OR3A2: variants seen among roughly 807,000 people sequenced by gnomAD.
OR3A2 encodes the protein olfactory receptor 3A2.
For synonymous variants in OR3A2, 126 were observed against 159.3 expected (o/e 0.79, Z 1.57); for missense variants, 318 against 392.8 (o/e 0.81, Z 1.61).
At chr17:3,308,517 T>C (rs906533458) in intron 3 of OR3A2, among the ~76,000 whole-genome samples, 2 of 152,120 alleles carry the variant, frequency 1.3e-5, no homozygotes, top group African/African-American at 4.8e-5. Context: ...TTTGGGTGCT[T>C]CAATGTGCAG....
intron 3 of OR3A2, among the ~76,000 whole-genome samples, chr17:3,326,440 C>T (rs1465183723): frequency 5.3e-5 from 8 of 151,890 alleles, no homozygotes; most frequent in Non-Finnish European, 1.0e-4. Context: ...ATGGAGGGAC[C>T]GGCTGGAGCT....
chr17:3,369,049 G>A (rs534651136), intron 2 of OR3A2, among the ~76,000 whole-genome samples: 1 of 152,310 alleles, frequency 6.6e-6, no homozygotes, highest in Non-Finnish European at 1.5e-5. Context: ...GTTGCTGCTG[G>A]TGTATAGCAG....
At chr17:3,277,942 G>C in exon 2 of OR3A2, 3 of 1,556,102 alleles carry the variant, frequency 1.9e-6, no homozygotes, top group Non-Finnish European at 2.6e-6. Context: ...GTCCAGAAAA[G>C]GCAGGAAAGG....
At chr17:3,379,764 C>T (rs985309836) in intron 2 of OR3A2, among the ~76,000 whole-genome samples, 4 of 152,218 alleles carry the variant, frequency 2.6e-5, no homozygotes, top group African/African-American at 7.2e-5. Flanking sequence ...GTCACTAACA[C>T]ACCCCGTCCC....
chr17:3,377,405 T>C (rs748652622), intron 2 of OR3A2: 2 of 152,208 alleles, frequency 1.3e-5, no homozygotes, highest in Admixed American at 6.5e-5. Flanking sequence ...GCTGCTATCA[T>C]TATTATTGTT....
chr17:3,385,398 T>C (rs1395704329), intron 1 of OR3A2, among the ~76,000 whole-genome samples: 1 of 152,092 alleles, frequency 6.6e-6, no homozygotes, highest in African/African-American at 2.4e-5. Context: ...ATTACACAGA[T>C]GATACACAGA....
intron 2 of OR3A2, among the ~76,000 whole-genome samples, chr17:3,369,078 G>A (rs992306414): frequency 3.3e-5 from 5 of 152,160 alleles, no homozygotes; most frequent in East Asian, 1.9e-4. Flanking sequence ...ATTTGTGGAC[G>A]TTGATTATGT....
intron 3 of OR3A2, among the ~76,000 whole-genome samples, chr17:3,319,605 T>A (rs1318277682): frequency 6.6e-6 from 1 of 152,172 alleles, no homozygotes; most frequent in Non-Finnish European, 1.5e-5. Context: ...AACTCCCACT[T>A]ATGAGTGAGA....
At chr17:3,290,101 GT>G (rs1333469185) in intron 3 of OR3A2, among the ~76,000 whole-genome samples, 3 of 152,000 alleles carry the variant, frequency 2.0e-5, no homozygotes, top group African/African-American at 7.3e-5. Context: ...CGAGTCCTTG[GT>G]GTACTTTTTT....
Position 3,346,539 on chromosome 17 carries a change from A to G in OR3A2, c.-178-10413T>C, listed in dbSNP as rs562418423. ...TGTCCTTTGTGTCACAAACAATCCA[A>G]TTATAGCAATTATACTATTTCAGTT... On this transcript the variant is annotated intron_variant, in intron 2 of 4. Coordinates refer to the OR3A2 transcript ENST00000573491. 5.3e-5 allele frequency among the ~76,000 whole-genome samples: 8 copies of G among 152,268 alleles called. 1 individual carries two copies. In the South Asian group the frequency reaches 1.7e-3, roughly 32 times the overall value.
downstream of OR3A2, among the ~76,000 whole-genome samples, chr17:3,276,613 T>C (rs1265440141): frequency 1.3e-5 from 2 of 152,200 alleles, no homozygotes; most frequent in African/African-American, 4.8e-5. Flanking sequence ...ACTACATTTA[T>C]GGGTATGTAT....
At chr17:3,298,897 A>T (rs2048941817) in intron 3 of OR3A2, among the ~76,000 whole-genome samples, 1 of 152,188 alleles carries the variant, frequency 6.6e-6, no homozygotes, top group Non-Finnish European at 1.5e-5. Flanking sequence ...TGGGGATCTC[A>T]GAATTAGCCC....
chr17:3,328,803 C>T, intron 3 of OR3A2, among the ~76,000 whole-genome samples: 1 of 143,130 alleles, frequency 7.0e-6, no homozygotes, highest in East Asian at 2.1e-4. Context: ...TTTTCTGCAT[C>T]TATTGAGATA....
At chr17:3,310,755 G>GGC (rs1444508127) in intron 3 of OR3A2, 1 of 558,496 alleles carries the variant, frequency 1.8e-6, no homozygotes, top group South Asian at 1.4e-5. Flanking sequence ...AGCCCTGGTG[G>GGC]GCATGTCATG....
At chr17:3,341,752 T>C (rs1249369016) in intron 2 of OR3A2, among the ~76,000 whole-genome samples, 1 of 152,202 alleles carries the variant, frequency 6.6e-6, no homozygotes, top group Admixed American at 6.5e-5. Context: ...TTGGAGTTGC[T>C]CTTCTGGAGG....
chr17:3,357,688 C>T (rs1026978644), intron 2 of OR3A2, among the ~76,000 whole-genome samples: 3 of 151,330 alleles, frequency 2.0e-5, no homozygotes, highest in African/African-American at 7.4e-5. Flanking sequence ...GAACTGTACA[C>T]TTAAAAATGG....
intron 2 of OR3A2, among the ~76,000 whole-genome samples, chr17:3,371,817 C>A (rs537922760): frequency 1.7e-5 from 2 of 116,600 alleles, no homozygotes; most frequent in Non-Finnish European, 3.4e-5. Context: ...GCTGGCCGGG[C>A]GGGGGGCTGA....
chr17:3,371,890 T>C (rs1597362977), intron 2 of OR3A2, among the ~76,000 whole-genome samples: 2 of 117,140 alleles, frequency 1.7e-5, no homozygotes. Flanking sequence ...CCCCCCCACC[T>C]CCCTCCCGGA....
At chr17:3,288,940 G>A (rs1467416143), upstream of OR3A2, among the ~76,000 whole-genome samples, 1 of 152,176 alleles carries the variant, frequency 6.6e-6, no homozygotes, top group East Asian at 1.9e-4. Context: ...TCAATGGGGT[G>A]TGGTTAAATA....
Sources: allele counts gnomAD v4.1 joint callset (sites outside exome capture counted in the v4.1 genomes callset), GRCh38; gene constraint gnomAD v4.1.1; transcripts MANE v1.5; gene names NCBI Gene and HGNC (gene_info 2026-07-23, HGNC 2026-07-21).